EPB41L4B: variants seen among roughly 807,000 people sequenced by gnomAD.
EPB41L4B encodes band 4.1-like protein 4B.
A neutral mutation model predicts 112.5 loss-of-function variants in EPB41L4B; 30 were observed. The observed-to-expected ratio is 0.27, with a 90% confidence interval of 0.20 to 0.36. The LOEUF is 0.36. Ranked by LOEUF, EPB41L4B falls within the 10% of genes least tolerant of loss-of-function variation. EPB41L4B has a pLI of 1.00. For missense variants in EPB41L4B, 1,024 were observed against 1,133.3 expected (o/e 0.90, Z 1.38); for synonymous variants, 408 against 439.7 (o/e 0.93, Z 0.90).
intron 15 of EPB41L4B, among the ~76,000 whole-genome samples, chr9:109,238,960 A>G (rs533744483): frequency 6.6e-6 from 1 of 152,332 alleles, no homozygotes; most frequent in African/African-American, 2.4e-5. Context: ...GAGGATGGAG[A>G]CACGGAGTGG....
At chr9:109,246,231 G>C (rs575946257) in intron 14 of EPB41L4B, among the ~76,000 whole-genome samples, 2 of 151,940 alleles carry the variant, frequency 1.3e-5, no homozygotes, top group Non-Finnish European at 2.9e-5. Context: ...GTGAAACTTT[G>C]TCTCTATTAA....
intron 1 of EPB41L4B, among the ~76,000 whole-genome samples, chr9:109,318,791 A>G (rs1352920015): frequency 6.6e-6 from 1 of 152,180 alleles, no homozygotes; most frequent in Admixed American, 6.5e-5. Context: ...AAAGGCCCCA[A>G]AAGGGTATTT....
intron 13 of EPB41L4B, among the ~76,000 whole-genome samples, chr9:109,250,950 CAA>C (rs1420646304): frequency 6.6e-6 from 1 of 152,248 alleles, no homozygotes. Flanking sequence ...GCAGAGCCTG[CAA>C]AGTCTCAAAC....
At chr9:109,306,516 G>T (rs991984527) in intron 1 of EPB41L4B, among the ~76,000 whole-genome samples, 18 of 152,328 alleles carry the variant, frequency 1.2e-4, no homozygotes, top group African/African-American at 4.3e-4. Flanking sequence ...GGGGAGCTGA[G>T]GCAGGAGGAT....
At chr9:109,195,889 G>A (rs1488606686) in intron 20 of EPB41L4B, among the ~76,000 whole-genome samples, 5 of 152,078 alleles carry the variant, frequency 3.3e-5, no homozygotes, top group African/African-American at 7.2e-5. Flanking sequence ...TGGCCAAGAA[G>A]CATATCTAAA....
intron 1 of EPB41L4B, among the ~76,000 whole-genome samples, chr9:109,293,045 C>T (rs1051104954): frequency 2.6e-5 from 4 of 152,172 alleles, no homozygotes; most frequent in Admixed American, 2.6e-4. Flanking sequence ...TCCAACTGAC[C>T]CCTTGGTCAA....
At position 109,258,300 on chromosome 9, in the gene EPB41L4B, G is replaced by T; in HGVS notation, c.632-3C>A. 2 of 1,610,566 alleles carry T rather than the reference G, an allele frequency of 1.2e-6. No individual in the cohort carries two copies. The highest frequency in any genetic ancestry group is 1.7e-6 in the Non-Finnish European group (2 of 1,177,606). On this transcript the variant is annotated splice_region_variant and splice_polypyrimidine_tract_variant and intron_variant, in intron 6 of 25. Coordinates refer to ENST00000374566, the MANE Select transcript of EPB41L4B (RefSeq NM_019114.5). ...AAGCTCGCACTCCCCAAGCTCCGCT[G>T]TAAGTTTCATAAAAGGGAGGAAAAT...
At chr9:109,175,753 G>A (rs1462920794) in intron 25 of EPB41L4B, among the ~76,000 whole-genome samples, 3 of 152,082 alleles carry the variant, frequency 2.0e-5, no homozygotes, top group Admixed American at 6.5e-5. Context: ...TAGCCAACAA[G>A]GCCCTACGCA....
At chr9:109,207,880 A>T (rs372475378) in intron 18 of EPB41L4B, 44 bp downstream of exon 18, 6 of 1,611,244 alleles carry the variant, frequency 3.7e-6, no homozygotes, top group Non-Finnish European at 5.1e-6. Flanking sequence ...GCATCGAGGA[A>T]ATCCTATAAC....
At chr9:109,259,942 C>T (rs1459650714) in intron 6 of EPB41L4B, among the ~76,000 whole-genome samples, 2 of 152,140 alleles carry the variant, frequency 1.3e-5, no homozygotes, top group African/African-American at 4.8e-5. Context: ...GAGTCCCAGA[C>T]AAGCTAGCTC....
At chr9:109,294,730 T>G (rs77682204) in intron 1 of EPB41L4B, among the ~76,000 whole-genome samples, 3,454 of 151,908 alleles carry the variant, frequency 0.023, 124 homozygotes, top group African/African-American at 0.069. Context: ...TAGTGAATAT[T>G]TAAGTATTAA....
rs959913762 is a variant in EPB41L4B at position 109,321,035 on chromosome 9, T to TGCC, written c.-592_-590dup. ...CCGCCGCCGCCGCCGCCGCCGCCGC[T>TGCC]GCCGCCGGGACTGCAGCACGCCCTC... On this transcript the variant is annotated 5_prime_UTR_variant, in exon 1 of 26. Transcript: ENST00000374566. 2 of 186,758 alleles carry TGCC rather than the reference T, an allele frequency of 1.1e-5. No homozygotes were observed. Among genetic ancestry groups the TGCC allele is most frequent in the Admixed American group, 5.9e-5 (1 of 17,092 alleles). The allele number at this position is 186,758 out of a possible 1,614,324, so 11.6% of individuals were successfully genotyped here. A position where few individuals can be genotyped will look rare whatever the true frequency, so the allele number is the denominator to read the frequency against.
At chr9:109,252,770 A>C (rs1834840200) in intron 12 of EPB41L4B, among the ~76,000 whole-genome samples, 1 of 152,114 alleles carries the variant, frequency 6.6e-6, no homozygotes, top group Admixed American at 6.5e-5. Context: ...GGAGCAACCT[A>C]GTGTAGAGAA....
chr9:109,304,169 C>T (rs956200986), intron 1 of EPB41L4B, among the ~76,000 whole-genome samples: 10 of 152,188 alleles, frequency 6.6e-5, no homozygotes, highest in East Asian at 1.9e-4. Flanking sequence ...AGTAAAGATA[C>T]ATAAAGTGCT....
rs922211609 is a variant in EPB41L4B, at chr9:109,251,343, C to G, written c.1310+138G>C. The stretch of plus-strand genomic sequence containing the variant: ...ATTGAAAGCCATGAGCATGGAATAG[C>G]CAGGCAGCAGAAAAAGGGGAAAAAA... On this transcript the variant is annotated intron_variant, in intron 13 of 25. Transcript: ENST00000374566. 29 of 802,798 alleles carry G rather than the reference C, an allele frequency of 3.6e-5. 1 individual carries two copies. Among genetic ancestry groups the G allele is most frequent in the South Asian group, 8.7e-5 (6 of 69,314 alleles). 49.7% of individuals were successfully genotyped at this position (802,798 alleles called of 1,614,324 possible). A position where few individuals can be genotyped will look rare whatever the true frequency, so the allele number is the denominator to read the frequency against.
At chr9:109,299,569 T>C (rs1486653346) in intron 1 of EPB41L4B, among the ~76,000 whole-genome samples, 1 of 152,150 alleles carries the variant, frequency 6.6e-6, no homozygotes, top group Non-Finnish European at 1.5e-5. Context: ...ATTATAGGCA[T>C]GAGCCATGAT....
Position 109,255,808 on chromosome 9 carries a change from T to G in EPB41L4B, c.965A>C (p.Lys322Thr). 1 of 1,613,824 alleles carries G rather than the reference T, an allele frequency of 6.2e-7. No homozygotes were observed. The highest frequency in any genetic ancestry group is 8.5e-7 in the Non-Finnish European group (1 of 1,179,950). The change falls in exon 10 of 26, where the codon AAA (lysine) becomes ACA (threonine). Residue 322 changes from lysine (K) to threonine (T), a missense_variant. Physicochemically the swap from Lys to Thr is moderately conservative, Grantham distance 78. Transcript: ENST00000374566. ...ATCCTCGACCACCACGAGTGTCAAT[T>G]TGCTCTTTTTAAAATCCATTTTGGT... ...KITKMDFKKSKLTLVVVEDDD... is the reference protein window; with the variant it reads ...KITKMDFKKSTLTLVVVEDDD...
chr9:109,208,068 C>T lies in EPB41L4B; in HGVS notation c.1753-19G>A, dbSNP rs769722309. 1.9e-6 allele frequency: 3 copies of T among 1,613,364 alleles called. No individual in the cohort carries two copies. The highest frequency in any genetic ancestry group is 2.2e-5 in the East Asian group (1 of 44,874). On this transcript the variant is annotated intron_variant, in intron 17 of 25. Coordinates refer to ENST00000374566, the MANE Select transcript of EPB41L4B (RefSeq NM_019114.5). Reference sequence around the variant, plus strand: ...CTTCAGCCTGAGACAAACCAAAATACAAACAGCAGATTGTAAACAAAGAGA... The same window carrying T: ...CTTCAGCCTGAGACAAACCAAAATATAAACAGCAGATTGTAAACAAAGAGA...
intron 1 of EPB41L4B, among the ~76,000 whole-genome samples, chr9:109,299,840 A>G (rs1836888325): frequency 6.6e-6 from 1 of 152,170 alleles, no homozygotes; most frequent in Admixed American, 6.5e-5. Context: ...GTTCATACAC[A>G]TGGAATCATA....
Sources: allele counts gnomAD v4.1 joint callset (sites outside exome capture counted in the v4.1 genomes callset), GRCh38; gene constraint gnomAD v4.1.1; transcripts MANE v1.5; gene names NCBI Gene and HGNC (gene_info 2026-07-23, HGNC 2026-07-21).